LDLRAP1: variants seen among roughly 807,000 people sequenced by gnomAD.
LDLRAP1 encodes low density lipoprotein receptor adapter protein 1.
LDLRAP1 carries 30 observed loss-of-function variants against 37.8 expected under a neutral mutation model. That is an observed-to-expected ratio of 0.79 (90% CI 0.59 to 1.08). The LOEUF is 1.08. Among genes scored for constraint, LDLRAP1 ranks in the 50% least tolerant of loss-of-function variants. The pLI is 0.00. For synonymous variants in LDLRAP1, 156 were observed against 169.8 expected, an observed-to-expected ratio of 0.92 and a Z score of 0.63; for missense variants, 375 against 401.6, an observed-to-expected ratio of 0.93 and a Z score of 0.57.
intron 1 of LDLRAP1, among the ~76,000 whole-genome samples, chr1:25,551,595 G>A (rs1219598373): frequency 1.3e-5 from 2 of 152,234 alleles, no homozygotes; most frequent in Non-Finnish European, 2.9e-5. Context: ...TGAGAGCAGG[G>A]TCTGTGTCTG....
the LDLRAP1 span, among the ~76,000 whole-genome samples, chr1:25,577,058 C>T: frequency 6.6e-6 from 1 of 152,224 alleles, no homozygotes; most frequent in African/African-American, 2.4e-5. Context: ...GGTCCTAGCC[C>T]CACTTAGTCA....
chr1:25,564,459 A>G (rs1365227848), intron 7 of LDLRAP1: 2 of 157,542 alleles, frequency 1.3e-5, no homozygotes, highest in Admixed American at 6.0e-5. Context: ...TATAATCTAT[A>G]GAACTTACAC....
the LDLRAP1 span, among the ~76,000 whole-genome samples, chr1:25,589,825 G>A: frequency 2.6e-5 from 4 of 152,150 alleles, no homozygotes; most frequent in Admixed American, 6.5e-5. Context: ...CTTACGGGCC[G>A]GGCGCGGTGG....
In LDLRAP1 at chr1:25,556,785, G is replaced by A. The variant is rs182671762; in HGVS notation, c.345-368G>A. ...AAAAACATGGATAGTGATAGAACCC[G>A]TCTCAGAGGGTAGCTTTGAGAATCA... On this transcript the variant is annotated intron_variant, in intron 3 of 8. Coordinates refer to ENST00000374338, the MANE Select transcript of LDLRAP1 (RefSeq NM_015627.3). Among the ~76,000 whole-genome samples, 26 of 152,340 alleles carry A rather than the reference G, an allele frequency of 1.7e-4. 1 individual carries two copies. The highest frequency in any genetic ancestry group is 3.9e-4 in the East Asian group (2 of 5,190).
chr1:25,562,594 C>T (rs747967438), intron 4 of LDLRAP1, 50 bp from the exon 5 acceptor site: 2 of 1,534,070 alleles, frequency 1.3e-6, no homozygotes, highest in Middle Eastern at 1.7e-4. Flanking sequence ...CAGACTTGCT[C>T]TGCCCTGGCT....
At chr1:25,587,615 A>C in the LDLRAP1 span, among the ~76,000 whole-genome samples, 1 of 152,224 alleles carries the variant, frequency 6.6e-6, no homozygotes, top group Non-Finnish European at 1.5e-5. Context: ...CTTGTGCTGG[A>C]ACCAGAAGGA....
the LDLRAP1 span, chr1:25,590,271 G>C: frequency 6.6e-5 from 10 of 152,240 alleles, no homozygotes; most frequent in African/African-American, 2.4e-4. Context: ...CGCCGAAGCT[G>C]ATGTCAGCTA....
the LDLRAP1 span, among the ~76,000 whole-genome samples, chr1:25,578,297 T>A: frequency 1.3e-5 from 2 of 151,450 alleles, no homozygotes; most frequent in African/African-American, 2.4e-5. Flanking sequence ...CCTACGGCCC[T>A]CAAGCAGCCC....
intron 8 of LDLRAP1, among the ~76,000 whole-genome samples, chr1:25,566,326 G>A (rs2124700165): frequency 6.6e-6 from 1 of 152,244 alleles, no homozygotes; most frequent in East Asian, 1.9e-4. Flanking sequence ...ATTGCTCCAG[G>A]CTGTTAAAAG....
At chr1:25,552,929 G>A (rs2044107892) in intron 1 of LDLRAP1, among the ~76,000 whole-genome samples, 1 of 152,204 alleles carries the variant, frequency 6.6e-6, no homozygotes, top group African/African-American at 2.4e-5. Context: ...AGAGAGGGGG[G>A]AATGTTAGTC....
chr1:25,563,930 G>C, intron 7 of LDLRAP1, 139 bp downstream of exon 7: 1 of 1,069,152 alleles, frequency 9.4e-7, no homozygotes, highest in Non-Finnish European at 1.4e-6. Context: ...GTAGTGCCCA[G>C]GCGCAGGATA....
chr1:25,573,111 G>A (rs2044627988), downstream of LDLRAP1, among the ~76,000 whole-genome samples: 1 of 151,942 alleles, frequency 6.6e-6, no homozygotes, highest in Admixed American at 6.6e-5. Flanking sequence ...GAGGTCAGAT[G>A]GGGGTGGGGA....
Position 25,554,825 on chromosome 1 carries a change from C to T in LDLRAP1, c.232-35C>T, listed in dbSNP as rs2044160877. 1 of 1,543,964 alleles carries T rather than the reference C, an allele frequency of 6.5e-7. No individual in the cohort carries two copies. Among genetic ancestry groups the T allele is most frequent in the Non-Finnish European group, 8.9e-7 (1 of 1,118,922 alleles). Reference sequence around the variant, plus strand: ...CCATGAGGGTGGGTCTCAAGTGAGGCTGGCAGACTCCTCTGACTCCTGTCT... The same window carrying T: ...CCATGAGGGTGGGTCTCAAGTGAGGTTGGCAGACTCCTCTGACTCCTGTCT... On this transcript the variant is annotated intron_variant, in intron 2 of 8. Coordinates refer to ENST00000374338, the MANE Select transcript of LDLRAP1 (RefSeq NM_015627.3). The surrounding 1 kb of genome is among the most constrained non-coding windows in gnomAD (Gnocchi z 5.4).
At chr1:25,559,158 G>A (rs569586878) in intron 4 of LDLRAP1, among the ~76,000 whole-genome samples, 17 of 152,154 alleles carry the variant, frequency 1.1e-4, no homozygotes, top group Non-Finnish European at 1.9e-4. Context: ...GATGTGACTC[G>A]TGGCTTTGTC....
At chr1:25,589,878 G>A in the LDLRAP1 span, among the ~76,000 whole-genome samples, 16 of 152,312 alleles carry the variant, frequency 1.1e-4, no homozygotes, top group Non-Finnish European at 8.8e-5. Flanking sequence ...CGAGGCGAGC[G>A]GATCATGAGG....
rs920599688 is a variant in LDLRAP1, at chr1:25,544,037, C to G, written c.88+251C>G. 6.6e-6 allele frequency among the ~76,000 whole-genome samples: 1 copy of G among 152,110 alleles called. No individual in the cohort carries two copies. The highest frequency in any genetic ancestry group is 1.5e-5 in the Non-Finnish European group (1 of 67,982). The stretch of plus-strand genomic sequence containing the variant: ...GGAAGGAGCCCGAGCTCGGGGTCCT[C>G]AGGTGCAGCCGGCATGGGGTGGGGT... On this transcript the variant is annotated intron_variant, in intron 1 of 8. Transcript: ENST00000374338. The surrounding 1 kb of genome is among the most constrained non-coding windows in gnomAD (Gnocchi z 4.8).
chr1:25,587,769 ACT>A, the LDLRAP1 span, among the ~76,000 whole-genome samples: 2 of 151,824 alleles, frequency 1.3e-5, no homozygotes, highest in East Asian at 3.9e-4. Context: ...TGGCGGGAGG[ACT>A]CTGGGTGCAG....
chr1:25,556,938 T>A (rs546881115), intron 3 of LDLRAP1, among the ~76,000 whole-genome samples: 1 of 152,288 alleles, frequency 6.6e-6, no homozygotes, highest in Admixed American at 6.5e-5. Flanking sequence ...GCTTCCAGTC[T>A]TTACCCCATT....
the LDLRAP1 span, among the ~76,000 whole-genome samples, chr1:25,575,033 A>C: frequency 1.3e-5 from 2 of 152,202 alleles, no homozygotes; most frequent in Admixed American, 6.5e-5. Flanking sequence ...TCTCCTCCCC[A>C]GCGGTCTCTA....
Sources: gnomAD v4.1 joint callset for allele counts (sites outside exome capture counted in the v4.1 genomes callset) on GRCh38, gnomAD v4.1.1 for gene constraint, Gnocchi (gnomAD v3.1) non-coding constraint, MANE v1.5 for transcripts, NCBI Gene and HGNC (gene_info 2026-07-23, HGNC 2026-07-21) for gene names.